ANKRD6: variants seen among roughly 807,000 people sequenced by gnomAD.
The protein encoded by ANKRD6 is ankyrin repeat domain 6.
Under a neutral mutation model 82.3 loss-of-function variants are expected in ANKRD6, and 56 were observed. The observed-to-expected ratio is 0.68, with a 90% CI of 0.55 to 0.85. The LOEUF (loss-of-function observed/expected upper bound fraction) is 0.85. ANKRD6 is among the 40% of genes least tolerant of loss of function. The pLI is 0.00. For missense variants in ANKRD6, 852 were observed against 907.6 expected (o/e 0.94, Z 0.79); for synonymous variants, 347 against 352.1 (o/e 0.99, Z 0.16).
chr6:89,460,094 A>G (rs1442745223), intron 1 of ANKRD6, among the ~76,000 whole-genome samples: 1 of 150,460 alleles, frequency 6.6e-6, no homozygotes, highest in Non-Finnish European at 1.5e-5. Context: ...GCTCTTCCTC[A>G]TGTTTCCAAA....
chr6:89,575,875 G>T (rs922786293), intron 2 of ANKRD6, among the ~76,000 whole-genome samples: 3 of 152,164 alleles, frequency 2.0e-5, no homozygotes, highest in African/African-American at 7.2e-5. Flanking sequence ...ACTCCTAGTG[G>T]GTGGTTCCAG....
At chr6:89,459,347 G>A (rs1773860854) in intron 1 of ANKRD6, among the ~76,000 whole-genome samples, 1 of 152,114 alleles carries the variant, frequency 6.6e-6, no homozygotes. Context: ...CAAAGTGTTG[G>A]GATTACAGGC....
intron 1 of ANKRD6, among the ~76,000 whole-genome samples, chr6:89,499,561 G>A (rs543088711): frequency 6.6e-6 from 1 of 152,210 alleles, no homozygotes; most frequent in East Asian, 1.9e-4. Context: ...TCGCAGTGCT[G>A]GGGGGAGGGT....
intron 2 of ANKRD6, chr6:89,568,050 G>A (rs552376765): frequency 6.6e-6 from 1 of 152,316 alleles, no homozygotes; most frequent in East Asian, 1.9e-4. Flanking sequence ...GGCCTCCAGA[G>A]AGGTCTTGAG....
At chr6:89,523,016 T>C (rs1782061518) in intron 1 of ANKRD6, among the ~76,000 whole-genome samples, 1 of 152,136 alleles carries the variant, frequency 6.6e-6, no homozygotes, top group African/African-American at 2.4e-5. Flanking sequence ...GATGATATTC[T>C]GTGCCCTGGG....
At chr6:89,436,713 A>G (rs1770679475) in intron 1 of ANKRD6, among the ~76,000 whole-genome samples, 1 of 152,236 alleles carries the variant, frequency 6.6e-6, no homozygotes, top group Non-Finnish European at 1.5e-5. Flanking sequence ...TCTATGTAAG[A>G]CTAATATTAT....
chr6:89,473,099 A>G lies in ANKRD6; in HGVS notation c.-144+39724A>G, dbSNP rs115348550. The stretch of plus-strand genomic sequence containing the variant: ...TGCTGTAGGTCTAGAGAATTTATTT[A>G]ACAGCATATTGTTTCATTAAAAAAA... On this transcript the variant is annotated intron_variant, in intron 1 of 15. Transcript: ENST00000339746. Among the ~76,000 whole-genome samples, 1,112 of 152,252 alleles carry G rather than the reference A, an allele frequency of 7.3e-3. 17 individuals carry two copies. The highest frequency in any genetic ancestry group is 0.024 in the African/African-American group (999 of 41,544).
At chr6:89,501,014 C>T (rs1369455037) in intron 1 of ANKRD6, among the ~76,000 whole-genome samples, 1 of 145,414 alleles carries the variant, frequency 6.9e-6, no homozygotes, top group Non-Finnish European at 1.5e-5. Flanking sequence ...AAAAGCACAG[C>T]TCTTACTGTA....
chr6:89,488,219 A>G (rs768115254), intron 1 of ANKRD6, among the ~76,000 whole-genome samples: 1 of 152,178 alleles, frequency 6.6e-6, no homozygotes, highest in Non-Finnish European at 1.5e-5. Context: ...GCCTGCTTTC[A>G]TTTTGTTCTC....
At chr6:89,451,533 T>C (rs1772822791) in intron 1 of ANKRD6, among the ~76,000 whole-genome samples, 1 of 152,228 alleles carries the variant, frequency 6.6e-6, no homozygotes, top group Non-Finnish European at 1.5e-5. Flanking sequence ...ATTTTATTAC[T>C]AAATCCTGGA....
chr6:89,627,654 A>ATT lies in ANKRD6; in HGVS notation c.1443_1444insTT (p.Gln482PhefsTer22). 6.2e-7 allele frequency: 1 copy of ATT among 1,613,852 alleles called. No homozygotes were observed. The highest frequency in any genetic ancestry group is 8.5e-7 in the Non-Finnish European group (1 of 1,179,774). On this transcript the variant is annotated frameshift_variant, in exon 14 of 16. Coordinates refer to ENST00000339746, the MANE Select transcript of ANKRD6 (RefSeq NM_001242809.2). LOFTEE classifies it high-confidence loss of function. ...GGACGGAGTGCCTGAACCGCCTGCA[A>ATT]CAGCACTCAGACACAGAGAAGCATG...
chr6:89,498,809 T>A (rs1778938171), intron 1 of ANKRD6, among the ~76,000 whole-genome samples: 1 of 152,236 alleles, frequency 6.6e-6, no homozygotes, highest in African/African-American at 2.4e-5. Flanking sequence ...AGCTCCTGAA[T>A]AGCTTTGTGG....
intron 7 of ANKRD6, among the ~76,000 whole-genome samples, chr6:89,615,696 G>A (rs1321659753): frequency 6.6e-6 from 1 of 152,176 alleles, no homozygotes; most frequent in Non-Finnish European, 1.5e-5. Context: ...ATGGCTGAAT[G>A]TTCATGCTAC....
In ANKRD6 at chr6:89,612,271, G is replaced by T; in HGVS notation, c.418-1G>T. On this transcript the variant is annotated splice_acceptor_variant, in intron 5 of 15. Transcript: ENST00000339746. LOFTEE classifies it high-confidence loss of function. ...CCTCCCTCTCTCTGCCTCTCTCCAA[G>T]GCGGGGAACACAGCTCTGCACCTGG... 1 of 1,556,284 alleles carries T rather than the reference G, an allele frequency of 6.4e-7. No homozygotes were observed. The highest frequency in any genetic ancestry group is 8.7e-7 in the Non-Finnish European group (1 of 1,149,330).
intron 10 of ANKRD6, 150 bp from the exon 11 acceptor site, chr6:89,623,260 C>T: frequency 1.9e-6 from 2 of 1,073,812 alleles, no homozygotes; most frequent in African/African-American, 1.6e-5. Context: ...GACCACCAAG[C>T]AGTGTTTCCT....
At chr6:89,566,417 C>T (rs890434833) in intron 1 of ANKRD6, among the ~76,000 whole-genome samples, 8 of 152,318 alleles carry the variant, frequency 5.3e-5, no homozygotes, top group South Asian at 4.1e-4. Context: ...ACTGGGGAAG[C>T]GGCACGTTAG....
At chr6:89,569,488 A>G (rs370255503) in intron 2 of ANKRD6, among the ~76,000 whole-genome samples, 7 of 152,192 alleles carry the variant, frequency 4.6e-5, no homozygotes, top group African/African-American at 1.7e-4. Context: ...TTATTTCTTT[A>G]TCAGTTGATG....
At chr6:89,626,218 A>G (rs1203455592) in intron 13 of ANKRD6, among the ~76,000 whole-genome samples, 1 of 152,204 alleles carries the variant, frequency 6.6e-6, no homozygotes, top group East Asian at 1.9e-4. Context: ...TTTTGTATAT[A>G]AAAACCCCAC....
intron 1 of ANKRD6, chr6:89,509,242 T>A (rs1780250232): frequency 6.6e-6 from 1 of 152,276 alleles, no homozygotes; most frequent in Non-Finnish European, 1.5e-5. Context: ...TTCACCTTTC[T>A]GAACCAGGTA....
Sources: gnomAD v4.1 joint callset for allele counts (sites outside exome capture counted in the v4.1 genomes callset) on GRCh38, gnomAD v4.1.1 for gene constraint, MANE v1.5 for transcripts, NCBI Gene and HGNC (gene_info 2026-07-23, HGNC 2026-07-21) for gene names.